Variants in F8 observed in about 807,000 individuals in gnomAD.
The protein encoded by F8 is coagulation factor VIII, also known as antihemophilic factor.
In F8, 12 loss-of-function variants were observed where a neutral mutation model predicts 140.6. The ratio of observed to expected loss-of-function variants is 0.09; its 90% CI spans 0.05 to 0.14. F8 has a LOEUF of 0.14. Among genes scored for constraint, F8 ranks in the 10% least tolerant of loss-of-function variants. The pLI, the probability that F8 is intolerant of heterozygous loss-of-function variation, is 1.00. For missense variants in F8, 1,354 were observed against 1,720.7 expected (o/e 0.79, Z 3.77); for synonymous variants, 585 against 614.6 (o/e 0.95, Z 0.71).
At chrX:154,854,926 G>A (rs2072640979) in intron 25 of F8, among the ~76,000 whole-genome samples, 1 of 111,166 alleles carries the variant, frequency 9.0e-6, no homozygotes, top group South Asian at 3.8e-4. Flanking sequence ...GAGGTCAGGA[G>A]TTCGAGACCA....
chrX:154,999,677 C>T (rs2073636889), intron 1 of F8, 77 bp from the exon 2 acceptor site: 2 of 1,113,858 alleles, frequency 1.8e-6, no homozygotes, highest in East Asian at 6.6e-5. Context: ...TTCCATACTA[C>T]TCTTTTCTAC....
intron 13 of F8, among the ~76,000 whole-genome samples, chrX:154,934,011 T>G (rs782719165): frequency 1.8e-5 from 2 of 111,893 alleles, no homozygotes; most frequent in East Asian, 5.6e-4. Context: ...CCACTCCTGA[T>G]GTAGATGGTC....
rs35383156 is a variant in F8 at position 154,961,104 on chromosome X, C to T, written c.1508G>A (p.Arg503His). Residue 503 changes from arginine to histidine, a missense_variant, in exon 10 of 26, where the codon CGT (arginine) becomes CAT (histidine). By Grantham distance (29) the Arg-to-His change is conservative. This residue lies in a region of F8 where 252 missense variants were observed against 338.5 expected (regional missense o/e 0.74). Transcript: ENST00000360256. ...TGGTAATCTCCTTGAATACAAAGGA[C>T]GGACATCAGTGATTCCGTGAGGGTA... The part of the protein sequence containing the change: ...NIYPHGITDV[R>H]PLYSRRLPKG... The T allele has an allele frequency of 1.0e-3, 1,235 of 1,200,329 alleles. 11 individuals are homozygous for T. The African/African-American group carries it at 0.018, about 17-fold the overall frequency.
In F8 at chrX:154,929,534, C is replaced by T; in HGVS notation, c.4256G>A (p.Arg1419Lys). The T allele has an allele frequency of 8.3e-7, 1 of 1,210,083 alleles. No homozygotes were observed. The highest frequency in any genetic ancestry group is 3.0e-5 in the East Asian group (1 of 33,836). Residue 1419 changes from arginine to lysine, a missense_variant, in exon 14 of 26, where the codon AGA becomes AAA. Transcript: ENST00000360256. ...IAKVSSFPSIRPIYLTRVLFQ... is the reference protein window; with the variant it reads ...IAKVSSFPSIKPIYLTRVLFQ... ...TAGGACCCTGGTCAGATATATAGGTCTAATAGATGGAAATGATGATACCTT... is the reference window on the plus strand; with the variant it reads ...TAGGACCCTGGTCAGATATATAGGTTTAATAGATGGAAATGATGATACCTT...
Position 154,966,668 on chromosome X carries a change from G to A in F8, c.1029C>T (p.Val343=). The A allele has an allele frequency of 1.7e-6, 2 of 1,211,244 alleles. No individual in the cohort carries two copies. The highest frequency in any genetic ancestry group is 5.9e-5 in the East Asian group (2 of 33,867). The change falls in exon 8 of 26, where the codon GTC becomes GTT. Residue 343 remains valine, a synonymous_variant. Coordinates refer to ENST00000360256, the MANE Select transcript of F8 (RefSeq NM_000132.4). The part of the protein sequence containing the change: ...SHQHDGMEAY[V]KVDSCPEEPQ... ...GTTCCTCTGGACAGCTGTCTACTTTGACATAAGCTTCCATGCCATCTGGAG... is the reference window on the plus strand; with the variant it reads ...GTTCCTCTGGACAGCTGTCTACTTTAACATAAGCTTCCATGCCATCTGGAG...
In F8 at chrX:154,931,542, G is replaced by A. The variant is rs782108489; in HGVS notation, c.2248C>T (p.Leu750=). 1 of 1,211,015 alleles carries A rather than the reference G, an allele frequency of 8.3e-7. No individual in the cohort carries two copies. The highest frequency in any genetic ancestry group is 2.2e-5 in the Admixed American group (1 of 45,993). ...GGTTCAATGGCATTGTTTTTACTCA[G>A]CAAGTATGCTGAAATATCTTCATAA... ...DSYEDISAYL[L]SKNNAIEPRS... is the part of the protein sequence containing the mutation. Residue 750 remains leucine, a synonymous_variant, in exon 14 of 26, where the codon CTG becomes TTG. Transcript: ENST00000360256.
rs782043515 is a variant in F8, at chrX:154,994,623, A to G, written c.389-1475T>C. Among the ~76,000 whole-genome samples the G allele has an allele frequency of 3.6e-5, 4 of 112,178 alleles. No individual in the cohort carries two copies. The East Asian group carries it at 1.1e-3, about 31-fold the overall frequency. On this transcript the variant is annotated intron_variant, in intron 3 of 25. Coordinates refer to ENST00000360256, the MANE Select transcript of F8 (RefSeq NM_000132.4). ...TAAGTTCTGATTAGATTCAAATTAA[A>G]TAAGTTTTTTGGCTAAAATATATCA...
intron 25 of F8, among the ~76,000 whole-genome samples, chrX:154,843,818 G>T (rs1470406950): frequency 9.0e-6 from 1 of 111,501 alleles, no homozygotes; most frequent in Non-Finnish European, 1.9e-5. Context: ...GTCAATTTTG[G>T]CTTTTGTTGC....
chrX:154,901,510 A>G (rs782791901), intron 19 of F8, 68 bp from the exon 20 acceptor site: 4 of 724,465 alleles, frequency 5.5e-6, no homozygotes, highest in Non-Finnish European at 2.2e-6. Flanking sequence ...ATGTAAGTCA[A>G]TGAAAATGGG....
intron 25 of F8, among the ~76,000 whole-genome samples, chrX:154,841,322 T>C (rs2148557439): frequency 9.3e-6 from 1 of 107,397 alleles, no homozygotes; most frequent in East Asian, 2.9e-4. Flanking sequence ...TTTTGTCTTC[T>C]GGTTATTCTA....
chrX:154,859,911 C>T (rs1320082466), intron 25 of F8, among the ~76,000 whole-genome samples: 1 of 111,115 alleles, frequency 9.0e-6, no homozygotes, highest in Non-Finnish European at 1.9e-5. Flanking sequence ...TATTTAGTGA[C>T]CTGAGAATTT....
At chrX:154,934,611 G>A (rs1208271730) in intron 13 of F8, among the ~76,000 whole-genome samples, 1 of 111,075 alleles carries the variant, frequency 9.0e-6, no homozygotes, top group Non-Finnish European at 1.9e-5. Flanking sequence ...GGTGGGGAGG[G>A]GAGGAAAGAA....
chrX:154,972,707 C>CTTTTTTTTTTTTT (rs1184930129), intron 6 of F8, among the ~76,000 whole-genome samples: 17 of 55,279 alleles, frequency 3.1e-4, no homozygotes, highest in African/African-American at 4.8e-4. Flanking sequence ...TTCTGTCTTT[C>CTTTTTTTTTTTTT]TTTTTTTTTT....
At chrX:154,998,203 T>C (rs1478699461) in intron 2 of F8, among the ~76,000 whole-genome samples, 2 of 112,845 alleles carry the variant, frequency 1.8e-5, no homozygotes, top group Non-Finnish European at 3.7e-5. Flanking sequence ...TAATACCAAA[T>C]TTTTGATGTC....
At chrX:154,936,023 C>CACACACACAA (rs1338414054) in intron 13 of F8, among the ~76,000 whole-genome samples, 50 of 93,712 alleles carry the variant, frequency 5.3e-4, no homozygotes, top group African/African-American at 1.8e-3. Flanking sequence ...CACACACACA[C>CACACACACAA]AAAAATCAAA....
chrX:155,010,942 A>G (rs188281686), intron 1 of F8, among the ~76,000 whole-genome samples: 68 of 112,074 alleles, frequency 6.1e-4, no homozygotes, highest in African/African-American at 2.2e-3. Context: ...CTAAAACTAT[A>G]AAAGTCTCAA....
intron 13 of F8, among the ~76,000 whole-genome samples, chrX:154,946,361 C>G (rs986882448): frequency 1.9e-4 from 21 of 112,080 alleles, no homozygotes; most frequent in African/African-American, 6.8e-4. Flanking sequence ...CAGCACGGTA[C>G]TGGCATAAAA....
chrX:154,962,838 C>T (rs1055537349), intron 9 of F8, among the ~76,000 whole-genome samples: 2 of 109,467 alleles, frequency 1.8e-5, no homozygotes. Context: ...CACAGCACTC[C>T]AGCCTGGGTG....
chrX:154,900,871 G>A (rs1175425135), intron 20 of F8, among the ~76,000 whole-genome samples: 2 of 112,102 alleles, frequency 1.8e-5, no homozygotes, highest in South Asian at 3.7e-4. Flanking sequence ...GCTTTATTAC[G>A]GATGCTGAAA....
Sources: gnomAD v4.1 joint callset for allele counts (sites outside exome capture counted in the v4.1 genomes callset) on GRCh38, gnomAD v4.1.1 for gene constraint, gnomAD v4.1.1 regional missense constraint, MANE v1.5 for transcripts, NCBI Gene and HGNC (gene_info 2026-07-23, HGNC 2026-07-21) for gene names.